The following MCTP1 variants were observed in gnomAD, a reference collection of about 807,000 sequenced individuals.
MCTP1 encodes the protein multiple C2 and transmembrane domain containing 1.
MCTP1 carries 69 observed loss-of-function variants against 120.6 expected under a neutral mutation model. The observed-to-expected ratio is 0.57, with a 90% CI of 0.47 to 0.70. The LOEUF (loss-of-function observed/expected upper bound fraction) is 0.70. Among genes scored for constraint, MCTP1 ranks in the 30% least tolerant of loss-of-function variants. The pLI, the probability that MCTP1 is intolerant of heterozygous loss-of-function variation, is 0.00. For synonymous variants in MCTP1, 529 were observed against 493.1 expected (o/e 1.07, Z -0.96); for missense variants, 1,203 against 1,248.8 (o/e 0.96, Z 0.55).
At chr5:95,254,062 C>G (rs979348179) in intron 1 of MCTP1, among the ~76,000 whole-genome samples, 1 of 152,144 alleles carries the variant, frequency 6.6e-6, no homozygotes. Context: ...CCACAAACTA[C>G]AGAAGCATTC....
intron 1 of MCTP1, among the ~76,000 whole-genome samples, chr5:95,273,352 T>C (rs1759560153): frequency 6.6e-6 from 1 of 152,220 alleles, no homozygotes; most frequent in African/African-American, 2.4e-5. Context: ...CATGCACAGA[T>C]CAGCCTTGCA....
chr5:95,274,925 G>A (rs1030896285), intron 1 of MCTP1, among the ~76,000 whole-genome samples: 1 of 152,102 alleles, frequency 6.6e-6, no homozygotes, highest in African/African-American at 2.4e-5. Flanking sequence ...GAGCCAAATT[G>A]CTTGGCCACT....
chr5:95,264,818 C>T (rs1171323894), intron 1 of MCTP1, among the ~76,000 whole-genome samples: 2 of 152,130 alleles, frequency 1.3e-5, no homozygotes, highest in African/African-American at 4.8e-5. Flanking sequence ...TGACAGCCAC[C>T]AGTAGAGAGT....
chr5:94,984,344 A>C (rs547552255), intron 2 of MCTP1, among the ~76,000 whole-genome samples: 6 of 152,304 alleles, frequency 3.9e-5, no homozygotes, highest in Admixed American at 2.0e-4. Flanking sequence ...AAAGAAAACA[A>C]AGGAGTATTT....
At chr5:94,948,768 A>T (rs1261972942) in intron 3 of MCTP1, among the ~76,000 whole-genome samples, 2 of 152,168 alleles carry the variant, frequency 1.3e-5, no homozygotes, top group Non-Finnish European at 2.9e-5. Flanking sequence ...TTCAGGTCTG[A>T]TTCAGGTCAA....
At chr5:94,766,419 A>G (rs1369172974) in intron 19 of MCTP1, among the ~76,000 whole-genome samples, 1 of 150,884 alleles carries the variant, frequency 6.6e-6, no homozygotes, top group African/African-American at 2.4e-5. Flanking sequence ...AAGCTATCGC[A>G]AGGACAGAAA....
chr5:94,940,588 A>G lies in MCTP1; in HGVS notation c.1062-393T>C, dbSNP rs550350836. Among the ~76,000 whole-genome samples, 63 of 144,124 alleles carry G rather than the reference A, an allele frequency of 4.4e-4. 1 individual carries two copies. In the South Asian group the frequency reaches 9.4e-3, roughly 21 times the overall value. The allele number at this position is 144,124 out of a possible 152,430, so 94.6% of individuals were successfully genotyped here. ...AATATATATATATACATATATATGT[A>G]TATATATATACACATATACATATAT... On this transcript the variant is annotated intron_variant, in intron 4 of 22. Coordinates refer to ENST00000515393, the MANE Select transcript of MCTP1 (RefSeq NM_024717.7).
intron 17 of MCTP1, among the ~76,000 whole-genome samples, chr5:94,825,770 TAC>T (rs146690839): frequency 9.9e-5 from 15 of 151,072 alleles, no homozygotes; most frequent in Admixed American, 2.6e-4. Context: ...TATACATATA[TAC>T]ACACACACAC....
Position 95,283,912 on chromosome 5 carries a change from G to A in MCTP1, c.664C>T (p.Arg222Trp), listed in dbSNP as rs1350215993. 3 of 1,392,342 alleles carry A rather than the reference G, an allele frequency of 2.2e-6. No individual in the cohort carries two copies. Among genetic ancestry groups the A allele is most frequent in the East Asian group, 3.0e-5 (1 of 33,750 alleles). The allele number at this position is 1,392,342 out of a possible 1,614,324, so 86.2% of individuals were successfully genotyped here. The change falls in exon 1 of 23, where the codon CGG becomes TGG. Residue 222 changes from arginine to tryptophan, a missense_variant. Transcript: ENST00000515393. ...GGGGCCCGAGACTCCGCGGGACTCC[G>A]CGCCGGCTCTGCGGGAGGAGGCGGC... Reference protein sequence around the residue: ...EPPPPPAEPARSPAESRAPET... With the variant: ...EPPPPPAEPAWSPAESRAPET...
At chr5:94,783,602 T>C (rs9314119) in intron 18 of MCTP1, among the ~76,000 whole-genome samples, 2,827 of 152,120 alleles carry the variant, frequency 0.019, 50 homozygotes, top group African/African-American at 0.04. Flanking sequence ...AAACCAATGA[T>C]GAAAGGATGA....
intron 2 of MCTP1, among the ~76,000 whole-genome samples, chr5:95,009,077 AGAGAG>A: frequency 2.3e-5 from 1 of 42,798 alleles, no homozygotes; most frequent in East Asian, 3.0e-4. Context: ...AGAGAGAGAG[AGAGAG>A]AGAGAGAGAG....
At chr5:95,071,690 C>T (rs555314368) in intron 1 of MCTP1, among the ~76,000 whole-genome samples, 3 of 152,198 alleles carry the variant, frequency 2.0e-5, no homozygotes, top group South Asian at 2.1e-4. Flanking sequence ...GTGAAATAAC[C>T]AGTGTATTGC....
chr5:95,064,691 C>T (rs540058242), intron 1 of MCTP1, among the ~76,000 whole-genome samples: 34 of 152,102 alleles, frequency 2.2e-4, no homozygotes, highest in Non-Finnish European at 4.3e-4. Context: ...CTGATAAAGG[C>T]CCATAGGTGT....
chr5:94,907,013 T>C (rs1362775672), intron 10 of MCTP1, among the ~76,000 whole-genome samples: 1 of 152,318 alleles, frequency 6.6e-6, no homozygotes, highest in African/African-American at 2.4e-5. Flanking sequence ...AGTAAGTCAA[T>C]TGTCTTTGAA....
At chr5:94,848,481 C>T (rs1392833384) in intron 17 of MCTP1, among the ~76,000 whole-genome samples, 1 of 151,982 alleles carries the variant, frequency 6.6e-6, no homozygotes, top group Non-Finnish European at 1.5e-5. Flanking sequence ...ACTACTGATC[C>T]ATGGAATCAA....
chr5:94,974,733 AT>A (rs949260505), intron 2 of MCTP1, among the ~76,000 whole-genome samples: 11 of 152,116 alleles, frequency 7.2e-5, no homozygotes, highest in African/African-American at 1.9e-4. Context: ...CATGAAAAAA[AT>A]GATTATGACC....
intron 1 of MCTP1, among the ~76,000 whole-genome samples, chr5:95,031,179 A>G (rs933900928): frequency 6.6e-6 from 1 of 151,966 alleles, no homozygotes; most frequent in African/African-American, 2.4e-5. Flanking sequence ...GTCTGAGAGA[A>G]AAAAAAAGTA....
intron 1 of MCTP1, among the ~76,000 whole-genome samples, chr5:95,222,419 T>C (rs72779490): frequency 0.043 from 6,478 of 152,366 alleles, 183 homozygotes; most frequent in Non-Finnish European, 0.065. Context: ...CAATTAAGAA[T>C]CATATTTTAA....
At chr5:95,087,790 T>C (rs1755545752) in intron 1 of MCTP1, among the ~76,000 whole-genome samples, 1 of 152,064 alleles carries the variant, frequency 6.6e-6, no homozygotes, top group African/African-American at 2.4e-5. Context: ...TACCCATGGG[T>C]CTGAGAACAG....
Sources: gnomAD v4.1 joint callset for allele counts (sites outside exome capture counted in the v4.1 genomes callset) on GRCh38, gnomAD v4.1.1 for gene constraint, MANE v1.5 for transcripts, NCBI Gene and HGNC (gene_info 2026-07-23, HGNC 2026-07-21) for gene names.